PKD2L2: variants seen among roughly 807,000 people sequenced by gnomAD.
The protein encoded by PKD2L2 is polycystin 2 like 2, transient receptor potential cation channel.
In PKD2L2, 67 loss-of-function variants were observed where a neutral mutation model predicts 83.9. The ratio of observed to expected loss-of-function variants is 0.80; its 90% confidence interval spans 0.66 to 0.98. PKD2L2 has a LOEUF of 0.98. Ranked by LOEUF, PKD2L2 falls within the 50% of genes least tolerant of loss-of-function variation. PKD2L2 has a pLI of 0.00. For missense variants in PKD2L2, 632 were observed against 717.2 expected, an observed-to-expected ratio of 0.88 and a Z score of 1.36; for synonymous variants, 223 against 237.8, an observed-to-expected ratio of 0.94 and a Z score of 0.57.
chr5:137,918,465 C>T (rs1561695473), intron 8 of PKD2L2, among the ~76,000 whole-genome samples: 1 of 152,200 alleles, frequency 6.6e-6, no homozygotes, highest in Non-Finnish European at 1.5e-5. Context: ...AATGGCTGCC[C>T]ACCTCAGTGT....
In PKD2L2 at chr5:137,899,916, TC is replaced by T. The variant is rs1314392074; in HGVS notation, c.746+182del. Among the ~76,000 whole-genome samples the T allele has an allele frequency of 3.3e-5, 5 of 151,816 alleles. No homozygotes were observed. In the East Asian group the frequency reaches 9.7e-4, roughly 29 times the overall value. The stretch of plus-strand genomic sequence containing the variant: ...AACCTTTGTGACAATTTGAAAAAAC[TC>T]CCAGACAAACCATGTAACCTAGAAA... On this transcript the variant is annotated intron_variant, in intron 5 of 14. Transcript: ENST00000508883.
intron 8 of PKD2L2, among the ~76,000 whole-genome samples, chr5:137,918,965 T>A (rs548546690): frequency 3.3e-4 from 49 of 148,316 alleles, no homozygotes; most frequent in Admixed American, 8.8e-4. Flanking sequence ...TGTGTGTGTG[T>A]GTGAGTGTGT....
In PKD2L2 at chr5:137,899,594, T is replaced by A. The variant is rs1471584239; in HGVS notation, c.603T>A (p.Ile201=). Reference sequence around the variant, plus strand: ...GTGTTTACCGAAATGGGGGATACATTTTCACTTTATCAAAATCGAAATCTG... The same window carrying A: ...GTGTTTACCGAAATGGGGGATACATATTCACTTTATCAAAATCGAAATCTG... ...FLGVYRNGGY[I]FTLSKSKSET... Residue 201 remains isoleucine, a synonymous_variant, in exon 5 of 15, where the codon ATT becomes ATA. Coordinates refer to ENST00000508883, the MANE Select transcript of PKD2L2 (RefSeq NM_001300921.2). 1 of 1,613,998 alleles carries A rather than the reference T, an allele frequency of 6.2e-7. No homozygotes were observed. The highest frequency in any genetic ancestry group is 2.2e-5 in the East Asian group (1 of 44,876).
intron 8 of PKD2L2, among the ~76,000 whole-genome samples, chr5:137,914,495 C>T (rs1758146890): frequency 6.6e-6 from 1 of 152,146 alleles, no homozygotes. Context: ...CTGTGTGTAT[C>T]TTGCAACTTA....
chr5:137,921,416 C>G (rs1758892109), intron 8 of PKD2L2, among the ~76,000 whole-genome samples: 1 of 151,584 alleles, frequency 6.6e-6, no homozygotes, highest in Admixed American at 6.6e-5. Context: ...TTAAAGCGGT[C>G]ATTTCCTACA....
intron 12 of PKD2L2, among the ~76,000 whole-genome samples, chr5:137,930,563 C>T (rs1214850110): frequency 1.3e-5 from 2 of 151,198 alleles, no homozygotes; most frequent in Non-Finnish European, 2.9e-5. Flanking sequence ...CCCAGCTACT[C>T]AGGAGGCTGA....
At position 137,889,471 on chromosome 5, in the gene PKD2L2, G is replaced by A; in HGVS notation, c.-21G>A. On this transcript the variant is annotated 5_prime_UTR_variant, in exon 1 of 15. Transcript: ENST00000508883. ...GCCGCGGCCTCAGGCGAACGAACGG[G>A]CGGTGTAGTGCAGGTCCGCCATGGC... 1.3e-6 allele frequency: 2 copies of A among 1,581,744 alleles called. No individual in the cohort carries two copies. The highest frequency in any genetic ancestry group is 1.4e-5 in the African/African-American group (1 of 71,040).
intron 12 of PKD2L2, among the ~76,000 whole-genome samples, chr5:137,935,045 C>T (rs985775592): frequency 1.7e-4 from 26 of 152,206 alleles, no homozygotes; most frequent in Non-Finnish European, 3.5e-4. Flanking sequence ...TAAAGGGATC[C>T]ACTTTGCTAC....
chr5:137,889,462 A>G lies in PKD2L2; in HGVS notation c.-30A>G, dbSNP rs1295223124. On this transcript the variant is annotated 5_prime_UTR_variant, in exon 1 of 15. Transcript: ENST00000508883. ...CGCGCAAGCGCCGCGGCCTCAGGCG[A>G]ACGAACGGGCGGTGTAGTGCAGGTC... 1 of 1,585,606 alleles carries G rather than the reference A, an allele frequency of 6.3e-7. No individual in the cohort carries two copies. Among genetic ancestry groups the G allele is most frequent in the Non-Finnish European group, 8.6e-7 (1 of 1,168,302 alleles).
rs1756264169 is a variant in PKD2L2, at chr5:137,894,449, G to A, written c.364G>A (p.Glu122Lys). The A allele has an allele frequency of 1.9e-6, 3 of 1,613,510 alleles. No homozygotes were observed. The highest frequency in any genetic ancestry group is 1.7e-5 in the Admixed American group (1 of 60,000). Residue 122 changes from glutamate (E) to lysine (K), a missense_variant, in exon 4 of 15, where the codon GAA becomes AAA. Glu to Lys is a moderately conservative substitution (Grantham distance 56, BLOSUM62 1). Around this residue, in one of 3 missense-constraint regions of PKD2L2, gnomAD observed 229 missense variants for 281.5 expected, o/e 0.81. Coordinates refer to ENST00000508883, the MANE Select transcript of PKD2L2 (RefSeq NM_001300921.2). ...AAAGAACAGCAGTCGCATCTACTAT[G>A]AAAATATACTTCTAGGAGTTCCCAG... ...NLKNSSRIYY[E>K]NILLGVPRVR...
chr5:137,917,109 A>G (rs1222815102), intron 8 of PKD2L2, among the ~76,000 whole-genome samples: 1 of 147,804 alleles, frequency 6.8e-6, no homozygotes, highest in Non-Finnish European at 1.5e-5. Flanking sequence ...CATAATGTGT[A>G]TGTTGGTCTA....
chr5:137,935,903 T>C lies in PKD2L2; in HGVS notation c.1778T>C (p.Phe593Ser), dbSNP rs201157449. The change falls in exon 13 of 15, where the codon TTT becomes TCT. Residue 593 changes from phenylalanine to serine, a missense_variant. Physicochemically the swap from Phe to Ser is radical, Grantham distance 155. Coordinates refer to ENST00000508883, the MANE Select transcript of PKD2L2 (RefSeq NM_001300921.2). Reference protein sequence around the residue: ...DDYQPVTQEEFRELFLYAVEL... With the variant: ...DDYQPVTQEESRELFLYAVEL... ...TACCAGCCTGTCACTCAAGAAGAAT[T>C]TCGAGAGTAAGCTTATGTTCTAACC... The C allele has an allele frequency of 3.1e-5, 48 of 1,523,874 alleles. No homozygotes were observed. Among genetic ancestry groups the C allele is most frequent in the Non-Finnish European group, 4.2e-5 (46 of 1,098,264 alleles). 94.4% of individuals were successfully genotyped at this position (1,523,874 alleles called of 1,614,324 possible). A position where few individuals can be genotyped will look rare whatever the true frequency, so the allele number is the denominator to read the frequency against.
chr5:137,916,699 C>T (rs1758387186), intron 8 of PKD2L2, among the ~76,000 whole-genome samples: 1 of 151,670 alleles, frequency 6.6e-6, no homozygotes, highest in African/African-American at 2.4e-5. Context: ...AGGCTGGTCT[C>T]GAATTCCTAA....
intron 1 of PKD2L2, chr5:137,889,924 G>A: frequency 4.6e-6 from 1 of 217,476 alleles, no homozygotes; most frequent in Non-Finnish European, 8.9e-6. Flanking sequence ...TAGGACAGAT[G>A]AGAGGTTTTA....
chr5:137,914,518 T>G (rs1000118186), intron 8 of PKD2L2, among the ~76,000 whole-genome samples: 4 of 152,246 alleles, frequency 2.6e-5, no homozygotes, highest in Admixed American at 2.6e-4. Flanking sequence ...TCATTTATTC[T>G]AATAGTTTTT....
At chr5:137,930,223 T>C (rs957351005) in intron 12 of PKD2L2, among the ~76,000 whole-genome samples, 1 of 152,270 alleles carries the variant, frequency 6.6e-6, no homozygotes, top group East Asian at 1.9e-4. Flanking sequence ...TGCTCACCTA[T>C]TGGGCCACAA....
intron 14 of PKD2L2, among the ~76,000 whole-genome samples, chr5:137,941,678 G>A (rs533578290): frequency 6.6e-6 from 1 of 152,332 alleles, no homozygotes; most frequent in African/African-American, 2.4e-5. Context: ...TAAGGATGTA[G>A]AATTAAAGAA....
chr5:137,921,722 T>A lies in PKD2L2; in HGVS notation c.1415T>A (p.Ile472Asn). ...ANPILGPIYF[I>N]TFIFFVFFVL... is the part of the protein sequence containing the mutation. ...CCTATCTTGGGACCCATTTACTTCA[T>A]CACTTTCATCTTTTTTGTGTTCTTT... The change falls in exon 9 of 15, where the codon ATC becomes AAC. Residue 472 changes from isoleucine (I) to asparagine (N), a missense_variant. By Grantham distance (149) the Ile-to-Asn change is moderately radical (BLOSUM62 -3). Transcript: ENST00000508883. The A allele has an allele frequency of 6.2e-7, 1 of 1,608,578 alleles. No homozygotes were observed. Among genetic ancestry groups the A allele is most frequent in the South Asian group, 1.1e-5 (1 of 90,406 alleles).
At chr5:137,939,522 C>T (rs1761047632) in intron 14 of PKD2L2, 1 of 154,484 alleles carries the variant, frequency 6.5e-6, no homozygotes, top group African/African-American at 2.4e-5. Flanking sequence ...TGGTATGATT[C>T]AGTTCTGTGT....
Sources: gnomAD v4.1 joint callset for allele counts (sites outside exome capture counted in the v4.1 genomes callset) on GRCh38, gnomAD v4.1.1 for gene constraint, gnomAD v4.1.1 regional missense constraint, MANE v1.5 for transcripts, NCBI Gene and HGNC (gene_info 2026-07-23, HGNC 2026-07-21) for gene names.